TRAF5: variants seen among roughly 807,000 people sequenced by gnomAD.
The protein encoded by TRAF5 is TNF receptor associated factor 5, also known as TNF receptor-associated factor 5.
Under a neutral mutation model 64.5 loss-of-function variants are expected in TRAF5, and 48 were observed. That is an observed-to-expected ratio of 0.74 (90% CI 0.59 to 0.95). The LOEUF (loss-of-function observed/expected upper bound fraction) is 0.95. Among genes scored for constraint, TRAF5 ranks in the 40% least tolerant of loss-of-function variants. The pLI is 0.00. For synonymous variants in TRAF5, 206 were observed against 240.5 expected (o/e 0.86, Z 1.33); for missense variants, 545 against 662.8 (o/e 0.82, Z 1.95).
In TRAF5 at chr1:211,368,570, A is replaced by T. The variant is rs533067311; in HGVS notation, c.790-882A>T. 7.8e-5 allele frequency among the ~76,000 whole-genome samples: 11 copies of T among 140,452 alleles called. No homozygotes were observed. In the South Asian group the frequency reaches 2.6e-3, roughly 33 times the overall value. 92.1% of individuals were successfully genotyped at this position (140,452 alleles called of 152,430 possible). ...TGCTGTTGCAGCCCAAGAGAGAAAT[A>T]ATGAAGACTGAAACTAGTGCTGAAA... On this transcript the variant is annotated intron_variant, in intron 8 of 10. Coordinates refer to ENST00000261464, the MANE Select transcript of TRAF5 (RefSeq NM_001033910.3).
rs759983082 is a variant in TRAF5, at chr1:211,360,022, T to C, written c.489T>C (p.Phe163=). The change falls in exon 5 of 11, where the codon TTT becomes TTC. Residue 163 remains phenylalanine (F), a synonymous_variant. Coordinates refer to ENST00000261464, the MANE Select transcript of TRAF5 (RefSeq NM_001033910.3). ...LKEHLSASCQ[F]RKEKCLYCKK... is the part of the protein sequence containing the mutation. ...AGCATTTGAGTGCATCCTGTCAGTT[T>C]CGAAAGGAAAAATGCCTTTATTGCA... is the stretch of plus-strand genomic sequence containing the variant. 1 of 1,614,130 alleles carries C rather than the reference T, an allele frequency of 6.2e-7. No individual in the cohort carries two copies. Among genetic ancestry groups the C allele is most frequent in the South Asian group, 1.1e-5 (1 of 91,076 alleles).
At chr1:211,327,825 T>C (rs1274986208) in intron 1 of TRAF5, among the ~76,000 whole-genome samples, 1 of 152,248 alleles carries the variant, frequency 6.6e-6, no homozygotes, top group Non-Finnish European at 1.5e-5. Context: ...CGAGGCTCCC[T>C]GCCAGGGCTG....
chr1:211,346,833 A>G (rs1702623332), intron 1 of TRAF5, among the ~76,000 whole-genome samples: 1 of 152,240 alleles, frequency 6.6e-6, no homozygotes, highest in South Asian at 2.1e-4. Flanking sequence ...TGGCATCCAC[A>G]GCTTTCCTTT....
At chr1:211,348,876 T>C (rs1284895165) in intron 1 of TRAF5, among the ~76,000 whole-genome samples, 2 of 151,994 alleles carry the variant, frequency 1.3e-5, no homozygotes, top group African/African-American at 2.4e-5. Context: ...GTCCATCCTA[T>C]GGATCTTTGG....
At chr1:211,353,927 A>G (rs1460472232) in intron 2 of TRAF5, among the ~76,000 whole-genome samples, 1 of 152,208 alleles carries the variant, frequency 6.6e-6, no homozygotes, top group Non-Finnish European at 1.5e-5. Flanking sequence ...AAGCAGGTAC[A>G]CTTTGGGGGG....
chr1:211,372,478 C>T lies in TRAF5; in HGVS notation c.1450C>T (p.Leu484=), dbSNP rs1703570666. The change falls in exon 11 of 11, where the codon CTG becomes TTG. Residue 484 remains leucine (L), a synonymous_variant. Coordinates refer to ENST00000261464, the MANE Select transcript of TRAF5 (RefSeq NM_001033910.3). ...GTGGCCATTCAGGCAGAGGGTGACC[C>T]TGATGCTTCTGGACCAGAGTGGCAA... is the stretch of plus-strand genomic sequence containing the variant. The part of the protein sequence containing the change: ...LQWPFRQRVT[L]MLLDQSGKKN... The T allele has an allele frequency of 5.6e-6, 9 of 1,614,094 alleles. No homozygotes were observed. The East Asian group carries it at 2.0e-4, about 36-fold the overall frequency.
intron 10 of TRAF5, among the ~76,000 whole-genome samples, 193 bp downstream of exon 10, chr1:211,371,663 A>T (rs539602827): frequency 2.6e-5 from 4 of 152,180 alleles, no homozygotes; most frequent in Non-Finnish European, 5.9e-5. Context: ...AGGGGGGTTG[A>T]GGGACTGGGC....
At chr1:211,356,553 T>G in intron 4 of TRAF5, 85 bp downstream of exon 4, 7 of 1,191,748 alleles carry the variant, frequency 5.9e-6, no homozygotes, top group Non-Finnish European at 8.7e-6. Flanking sequence ...GTTACTGAGC[T>G]AAGCATGGTA....
In TRAF5 at chr1:211,326,858, C is replaced by G; in HGVS notation, c.-33C>G. ...AGGAGCAGCAGCCGCGCCTGCAGAC[C>G]GGCCTCGCGGAGCCCGCGCGCCGAG... is the stretch of plus-strand genomic sequence containing the variant. On this transcript the variant is annotated 5_prime_UTR_variant, in exon 1 of 11. Transcript: ENST00000261464. The surrounding 1 kb of genome is among the most constrained non-coding windows in gnomAD (Gnocchi z 5.0). 1.0e-6 allele frequency: 1 copy of G among 984,922 alleles called. No individual in the cohort carries two copies. Among genetic ancestry groups the G allele is most frequent in the South Asian group, 4.5e-5 (1 of 22,130 alleles). The allele number at this position is 984,922 out of a possible 1,614,324, so 61.0% of individuals were successfully genotyped here.
intron 8 of TRAF5, 31 bp from the exon 9 acceptor site, chr1:211,369,421 A>G: frequency 6.4e-7 from 1 of 1,559,802 alleles, no homozygotes; most frequent in Non-Finnish European, 8.6e-7. Flanking sequence ...ATATTCAGTG[A>G]CTTTATTTTT....
At chr1:211,352,611 G>C (rs1702826488) in intron 1 of TRAF5, among the ~76,000 whole-genome samples, 1 of 151,946 alleles carries the variant, frequency 6.6e-6, no homozygotes, top group South Asian at 2.1e-4. Context: ...GGGCTACAGA[G>C]TGAGACCTTG....
chr1:211,364,981 T>C (rs1207526377), intron 7 of TRAF5, among the ~76,000 whole-genome samples: 1 of 152,048 alleles, frequency 6.6e-6, no homozygotes, highest in Non-Finnish European at 1.5e-5. Context: ...GAGACCAGCC[T>C]GGCCAACATG....
chr1:211,360,969 C>A, intron 6 of TRAF5, 119 bp from the exon 7 acceptor site: 1 of 1,091,320 alleles, frequency 9.2e-7, no homozygotes, highest in Non-Finnish European at 1.4e-6. Flanking sequence ...CTCTTTCTTG[C>A]CAGGCCTCTC....
chr1:211,354,231 A>C (rs1702887374), intron 2 of TRAF5, among the ~76,000 whole-genome samples, 179 bp from the exon 3 acceptor site: 2 of 152,204 alleles, frequency 1.3e-5, no homozygotes, highest in Admixed American at 1.3e-4. Context: ...GCAAACTGAA[A>C]GAACAGGAAG....
intron 1 of TRAF5, among the ~76,000 whole-genome samples, chr1:211,330,596 C>T (rs746061035): frequency 1.3e-5 from 2 of 152,186 alleles, no homozygotes; most frequent in Non-Finnish European, 2.9e-5. Flanking sequence ...TGACAAGCTT[C>T]TGTAAAGAGT....
chr1:211,358,811 TTA>T (rs1034708012), intron 4 of TRAF5: 5 of 11,970 alleles, frequency 4.2e-4, no homozygotes, highest in Admixed American at 4.0e-3. Flanking sequence ...GTATATATAG[TTA>T]TATATTACAT....
In TRAF5 at chr1:211,356,626, G is replaced by A. The variant is rs913545095; in HGVS notation, c.378+158G>A. 4.8e-6 allele frequency: 3 copies of A among 625,772 alleles called. No individual in the cohort carries two copies. In the African/African-American group the frequency reaches 5.5e-5, roughly 12 times the overall value. The allele number at this position is 625,772 out of a possible 1,614,324, so 38.8% of individuals were successfully genotyped here. The stretch of plus-strand genomic sequence containing the variant: ...TAGCAATACAGGTGGCTACAGTGCT[G>A]TAGCCCACCTACGGCTGAGGTGTGA... On this transcript the variant is annotated intron_variant, in intron 4 of 10. Coordinates refer to ENST00000261464, the MANE Select transcript of TRAF5 (RefSeq NM_001033910.3).
intron 2 of TRAF5, chr1:211,353,732 T>C (rs1313381123): frequency 2.2e-6 from 1 of 462,076 alleles, no homozygotes; most frequent in Non-Finnish European, 4.0e-6. Flanking sequence ...TCATGGGAGC[T>C]GGCTGTGGAG....
chr1:211,372,631 A>T lies in TRAF5; in HGVS notation c.1603A>T (p.Asn535Tyr). Residue 535 changes from asparagine (N) to tyrosine (Y), a missense_variant, in exon 11 of 11, where the codon AAC (asparagine) becomes TAC (tyrosine). By Grantham distance (143) the Asn-to-Tyr change is moderately radical. Coordinates refer to ENST00000261464, the MANE Select transcript of TRAF5 (RefSeq NM_001033910.3). ...VAHSVLENAK[N>Y]AYIKDDTLFL... Reference sequence around the variant, plus strand: ...TCATTCTGTTTTGGAGAATGCCAAGAACGCCTACATTAAAGATGACACTCT... The same window carrying T: ...TCATTCTGTTTTGGAGAATGCCAAGTACGCCTACATTAAAGATGACACTCT... 1.9e-6 allele frequency: 3 copies of T among 1,614,218 alleles called. No homozygotes were observed. The highest frequency in any genetic ancestry group is 2.5e-6 in the Non-Finnish European group (3 of 1,180,032).
Sources: allele counts gnomAD v4.1 joint callset (sites outside exome capture counted in the v4.1 genomes callset), GRCh38; gene constraint gnomAD v4.1.1; non-coding constraint Gnocchi (gnomAD v3.1); transcripts MANE v1.5; gene names NCBI Gene and HGNC (gene_info 2026-07-23, HGNC 2026-07-21).